UHMK1: variants seen among roughly 807,000 people sequenced by gnomAD.
UHMK1 encodes the protein serine/threonine-protein kinase Kist.
In UHMK1, 18 loss-of-function variants were observed where a neutral mutation model predicts 44.0. The ratio of observed to expected loss-of-function variants is 0.41; its 90% CI spans 0.28 to 0.61. UHMK1 has a LOEUF of 0.61. Among genes scored for constraint, UHMK1 ranks in the 20% least tolerant of loss-of-function variants. The probability of loss-of-function intolerance (pLI) is 0.31; values close to 1 mark genes in which losing one functional copy is unlikely to be tolerated. For synonymous variants in UHMK1, 231 were observed against 198.5 expected (o/e 1.16, Z -1.38); for missense variants, 463 against 522.5 (o/e 0.89, Z 1.11).
At position 162,522,455 on chromosome 1, in the gene UHMK1, C is replaced by T. The variant is rs1409860784; in HGVS notation, c.1165C>T (p.Leu389=). 6.2e-7 allele frequency: 1 copy of T among 1,614,184 alleles called. No individual in the cohort carries two copies. The change falls in exon 8 of 8, where the codon CTG becomes TTG. Residue 389 remains leucine (L), a synonymous_variant. Transcript: ENST00000489294. Reference sequence around the variant, plus strand: ...TGATTCCAAAGCTGCGCAGAAATTACTGACTGGAAGGATGTTTGATGGGAA... The same window carrying T: ...TGATTCCAAAGCTGCGCAGAAATTATTGACTGGAAGGATGTTTGATGGGAA... ...AGDSKAAQKL[L]TGRMFDGKFV... is the part of the protein sequence containing the mutation.
intron 7 of UHMK1, among the ~76,000 whole-genome samples, chr1:162,521,286 G>C (rs1652050425): frequency 6.6e-6 from 1 of 152,096 alleles, no homozygotes; most frequent in Admixed American, 6.5e-5. Context: ...GTGTGGGATG[G>C]TGTAGTATAG....
Position 162,519,017 on chromosome 1 carries a change from C to G in UHMK1, c.1113+827C>G, listed in dbSNP as rs567447937. On this transcript the variant is annotated intron_variant, in intron 7 of 7. Coordinates refer to ENST00000489294, the MANE Select transcript of UHMK1 (RefSeq NM_175866.5). ...AAAAAAAAAAACTACTTTTGAGCCA[C>G]TGTAAACAGTAACACCAGGCCAGGT... Among the ~76,000 whole-genome samples the G allele has an allele frequency of 2.7e-5, 4 of 148,674 alleles. No homozygotes were observed. The South Asian group carries it at 8.5e-4, about 32-fold the overall frequency.
At chr1:162,498,304 G>T (rs1255625878) in intron 1 of UHMK1, 36 bp downstream of exon 1, 2 of 1,549,644 alleles carry the variant, frequency 1.3e-6, no homozygotes, top group Non-Finnish European at 1.7e-6. Flanking sequence ...TCTTGCCCAG[G>T]TCACAGTCCG....
At chr1:162,505,765 A>G (rs1651446257) in intron 4 of UHMK1, among the ~76,000 whole-genome samples, 1 of 152,246 alleles carries the variant, frequency 6.6e-6, no homozygotes, top group African/African-American at 2.4e-5. Flanking sequence ...CTAGAAAAGT[A>G]TGGATCCCTT....
At position 162,497,911 on chromosome 1, in the gene UHMK1, G is replaced by A; in HGVS notation, c.-90G>A. 1 of 1,430,040 alleles carries A rather than the reference G, an allele frequency of 7.0e-7. No homozygotes were observed. The highest frequency in any genetic ancestry group is 9.1e-7 in the Non-Finnish European group (1 of 1,096,954). The allele number at this position is 1,430,040 out of a possible 1,614,324, so 88.6% of individuals were successfully genotyped here. A position where few individuals can be genotyped will look rare whatever the true frequency, so the allele number is the denominator to read the frequency against. On this transcript the variant is annotated 5_prime_UTR_variant, in exon 1 of 8. Transcript: ENST00000489294. ...GCAGGTCCCTCCCTGCGGAGCCGCT[G>A]GTCCGGCTGGCGGAGATGTGACCGC... is the stretch of plus-strand genomic sequence containing the variant.
intron 6 of UHMK1, among the ~76,000 whole-genome samples, chr1:162,513,944 A>G (rs1017654851): frequency 2.0e-5 from 3 of 152,232 alleles, no homozygotes; most frequent in Admixed American, 2.0e-4. Context: ...AGTTTATTAA[A>G]TAATTTTAAA....
chr1:162,503,784 T>G lies in UHMK1; in HGVS notation c.784T>G (p.Phe262Val). The change falls in exon 4 of 8, where the codon TTT becomes GTT. Residue 262 changes from phenylalanine (F) to valine (V), a missense_variant. Physicochemically the swap from Phe to Val is conservative, Grantham distance 50 (BLOSUM62 -1). Around this residue, in one of 3 missense-constraint regions of UHMK1, gnomAD observed 264 missense variants for 326.3 expected, o/e 0.81. Coordinates refer to ENST00000489294, the MANE Select transcript of UHMK1 (RefSeq NM_175866.5). ...ANSSAIIDHI[F>V]ASKAVVNAAI... ...CAGTTCTGCTATTATTGATCACATA[T>G]TTGCCAGTAAAGCAGTGGTGAATGC... is the stretch of plus-strand genomic sequence containing the variant. 1 of 1,614,118 alleles carries G rather than the reference T, an allele frequency of 6.2e-7. No homozygotes were observed. The highest frequency in any genetic ancestry group is 8.5e-7 in the Non-Finnish European group (1 of 1,180,016).
chr1:162,508,934 A>C (rs1651571638), intron 4 of UHMK1, among the ~76,000 whole-genome samples: 1 of 152,102 alleles, frequency 6.6e-6, no homozygotes, highest in Admixed American at 6.6e-5. Flanking sequence ...CTGGGACCAC[A>C]GGCATACACC....
intron 3 of UHMK1, 34 bp downstream of exon 3, chr1:162,501,138 T>G: frequency 1.3e-6 from 2 of 1,594,138 alleles, no homozygotes; most frequent in South Asian, 2.2e-5. Context: ...TTGGGGTCCT[T>G]ACTTTCAACT....
chr1:162,512,860 C>A, intron 6 of UHMK1, 37 bp downstream of exon 6: 1 of 1,563,992 alleles, frequency 6.4e-7, no homozygotes, highest in South Asian at 1.1e-5. Context: ...ATGTGTCTTT[C>A]TTAAATAAGT....
chr1:162,519,439 C>G (rs947303997), intron 7 of UHMK1, among the ~76,000 whole-genome samples: 6 of 151,800 alleles, frequency 4.0e-5, no homozygotes, highest in Non-Finnish European at 1.5e-5. Flanking sequence ...AGGTTAGGTT[C>G]TAATTGTAAT....
chr1:162,497,918 C>A lies in UHMK1; in HGVS notation c.-83C>A. The A allele has an allele frequency of 1.4e-6, 2 of 1,433,934 alleles. No individual in the cohort carries two copies. The highest frequency in any genetic ancestry group is 1.5e-5 in the South Asian group (1 of 66,438). The allele number at this position is 1,433,934 out of a possible 1,614,324, so 88.8% of individuals were successfully genotyped here. A position where few individuals can be genotyped will look rare whatever the true frequency, so the allele number is the denominator to read the frequency against. On this transcript the variant is annotated 5_prime_UTR_variant, in exon 1 of 8. In the 5' UTR this introduces an upstream ATG that the reference lacks. Coordinates refer to ENST00000489294, the MANE Select transcript of UHMK1 (RefSeq NM_175866.5). ...CCTCCCTGCGGAGCCGCTGGTCCGG[C>A]TGGCGGAGATGTGACCGCGGGCCCG...
rs745821700 is a variant in UHMK1 at position 162,498,102 on chromosome 1, C to T, written c.102C>T (p.Ser34=). The T allele has an allele frequency of 6.2e-7, 1 of 1,612,012 alleles. No individual in the cohort carries two copies. Among genetic ancestry groups the T allele is most frequent in the Non-Finnish European group, 8.5e-7 (1 of 1,179,618 alleles). The change falls in exon 1 of 8, where the codon TCC becomes TCT. Residue 34 remains serine, a synonymous_variant. Transcript: ENST00000489294. Reference sequence around the variant, plus strand: ...AGAGCCGTCTGGGTAGCGGCTCCTCCGCCTCGGTGTATCGGGTTCGCTGCT... The same window carrying T: ...AGAGCCGTCTGGGTAGCGGCTCCTCTGCCTCGGTGTATCGGGTTCGCTGCT... ...QVQSRLGSGS[S]ASVYRVRCCG...
chr1:162,505,769 A>G (rs1311248671), intron 4 of UHMK1, among the ~76,000 whole-genome samples: 1 of 152,186 alleles, frequency 6.6e-6, no homozygotes, highest in Middle Eastern at 3.2e-3. Context: ...AAAAGTATGG[A>G]TCCCTTGTCT....
intron 6 of UHMK1, among the ~76,000 whole-genome samples, chr1:162,517,682 C>T (rs901145978): frequency 1.3e-5 from 2 of 151,784 alleles, no homozygotes; most frequent in African/African-American, 2.4e-5. Context: ...ACCAGGAGTT[C>T]GAGAACAGCC....
Position 162,523,667 on chromosome 1 carries a change from AT to A in UHMK1, c.*1118del, listed in dbSNP as rs1214308767. Reference sequence around the variant, plus strand: ...AAAATGGGCGAAGAGAGGGTGGAAAATAAAAGGATTCTTTTTTCTTCCTTTC... The same window carrying A: ...AAAATGGGCGAAGAGAGGGTGGAAAAAAAAGGATTCTTTTTTCTTCCTTTC... On this transcript the variant is annotated 3_prime_UTR_variant, in exon 8 of 8. Coordinates refer to ENST00000489294, the MANE Select transcript of UHMK1 (RefSeq NM_175866.5). The A allele has an allele frequency of 6.6e-6, 1 of 152,310 alleles. No individual in the cohort carries two copies. Among genetic ancestry groups the A allele is most frequent in the Non-Finnish European group, 1.5e-5 (1 of 68,028 alleles). 9.4% of individuals were successfully genotyped at this position (152,310 alleles called of 1,614,324 possible).
intron 6 of UHMK1, chr1:162,513,029 T>C (rs1415396051): frequency 6.3e-6 from 3 of 476,352 alleles, no homozygotes; most frequent in Non-Finnish European, 1.1e-5. Context: ...CTCAGCTCAC[T>C]GCAACCTCTG....
rs775977445 is a variant in UHMK1 at position 162,527,828 on chromosome 1, C to T, written c.*5278C>T. ...GCATTCTACTTATTTGTCTTATAAA[C>T]CATTAATCGTTTTTTGTGCAGAAGA... On this transcript the variant is annotated 3_prime_UTR_variant, in exon 8 of 8. Transcript: ENST00000489294. 14 of 151,782 alleles carry T rather than the reference C, an allele frequency of 9.2e-5. No individual in the cohort carries two copies. Among genetic ancestry groups the T allele is most frequent in the Non-Finnish European group, 1.5e-4 (10 of 67,898 alleles). 9.4% of individuals were successfully genotyped at this position (151,782 alleles called of 1,614,324 possible).
In UHMK1 at chr1:162,522,415, G is replaced by A; in HGVS notation, c.1125G>A (p.Glu375=). The A allele has an allele frequency of 6.2e-7, 1 of 1,614,044 alleles. No homozygotes were observed. Among genetic ancestry groups the A allele is most frequent in the Non-Finnish European group, 8.5e-7 (1 of 1,179,982 alleles). Residue 375 remains glutamate, a synonymous_variant, in exon 8 of 8, where the codon GAG becomes GAA. Transcript: ENST00000489294. ...CTGTCTTCTTTCAGGTCTTTGTTGA[G>A]TATGCAAATGCTGGTGATTCCAAAG... The part of the protein sequence containing the change: ...ENPGRGQVFV[E]YANAGDSKAA...
Sources: gnomAD v4.1 joint callset for allele counts (sites outside exome capture counted in the v4.1 genomes callset) on GRCh38, gnomAD v4.1.1 for gene constraint, gnomAD v4.1.1 regional missense constraint, MANE v1.5 for transcripts, NCBI Gene and HGNC (gene_info 2026-07-23, HGNC 2026-07-21) for gene names.